The following STK32B variants were observed in gnomAD, a reference collection of about 807,000 sequenced individuals.
STK32B encodes serine/threonine kinase 32B, also known as serine/threonine-protein kinase 32B.
In STK32B, 43 loss-of-function variants were observed where a neutral mutation model predicts 52.6. The observed-to-expected ratio is 0.82, with a 90% CI of 0.64 to 1.05. The LOEUF (loss-of-function observed/expected upper bound fraction) is 1.05, where lower values mean the gene tolerates loss of function less well. Ranked by LOEUF, STK32B falls within the 50% of genes least tolerant of loss-of-function variation. The pLI is 0.00. For missense variants in STK32B, 621 were observed against 534.6 expected (o/e 1.16, Z -1.59); for synonymous variants, 238 against 204.3 (o/e 1.17, Z -1.41).
chr4:5,223,285 T>G lies in STK32B; in HGVS notation c.260+54835T>G, dbSNP rs1481957672. On this transcript the variant is annotated intron_variant, in intron 3 of 11. Coordinates refer to ENST00000282908, the MANE Select transcript of STK32B (RefSeq NM_018401.3). The stretch of plus-strand genomic sequence containing the variant: ...GAGTCCTGAGACTCAGGCAAAGATC[T>G]GCTGCAGGGGCAGAGCTGCTGCAGA... Among the ~76,000 whole-genome samples, 8 of 152,316 alleles carry G rather than the reference T, an allele frequency of 5.3e-5. No individual in the cohort carries two copies. In the East Asian group the frequency reaches 1.5e-3, roughly 29 times the overall value.
intron 1 of STK32B, among the ~76,000 whole-genome samples, chr4:5,072,505 A>G (rs1276244858): frequency 6.6e-6 from 1 of 152,062 alleles, no homozygotes; most frequent in Non-Finnish European, 1.5e-5. Flanking sequence ...CTTCACTCTC[A>G]TCTTTCAACC....
chr4:5,265,465 G>A (rs756958085), intron 3 of STK32B, among the ~76,000 whole-genome samples: 11 of 152,006 alleles, frequency 7.2e-5, no homozygotes, highest in Non-Finnish European at 1.3e-4. Flanking sequence ...GACCACTGCC[G>A]CCATCCATCC....
rs997574666 is a variant in STK32B at position 5,498,838 on chromosome 4, G to A, written c.1107-107G>A. On this transcript the variant is annotated intron_variant, in intron 11 of 11. Transcript: ENST00000282908. ...GATCAATCTTCCCAGGTAGGGGAAG[G>A]TTTGAGCTGAAGGCTCCACAGTTGC... The A allele has an allele frequency of 7.0e-6, 10 of 1,430,376 alleles. No homozygotes were observed. The African/African-American group carries it at 7.3e-5, about 10-fold the overall frequency. The allele number at this position is 1,430,376 out of a possible 1,614,324, so 88.6% of individuals were successfully genotyped here.
intron 1 of STK32B, among the ~76,000 whole-genome samples, chr4:5,100,300 G>A (rs1347957499): frequency 1.3e-5 from 2 of 151,972 alleles, no homozygotes; most frequent in African/African-American, 2.4e-5. Flanking sequence ...TGCTGTGGAA[G>A]GACAAGGTTA....
chr4:5,173,447 A>G (rs1396380333), intron 3 of STK32B, among the ~76,000 whole-genome samples: 1 of 152,186 alleles, frequency 6.6e-6, no homozygotes, highest in Admixed American at 6.6e-5. Flanking sequence ...ATTTAGTGCT[A>G]TAAATTTGCC....
intron 1 of STK32B, among the ~76,000 whole-genome samples, chr4:5,110,683 T>G (rs1714357694): frequency 6.6e-6 from 1 of 152,110 alleles, no homozygotes. Flanking sequence ...GGAAATGCTC[T>G]TCTGGACATC....
intron 1 of STK32B, among the ~76,000 whole-genome samples, chr4:5,098,083 A>C (rs1331697728): frequency 6.6e-6 from 1 of 152,226 alleles, no homozygotes; most frequent in Non-Finnish European, 1.5e-5. Context: ...GGTTCCAAGA[A>C]ACATCACTCG....
At chr4:5,143,103 CTGTCT>C (rs1215264941) in intron 2 of STK32B, among the ~76,000 whole-genome samples, 1 of 131,888 alleles carries the variant, frequency 7.6e-6, no homozygotes, top group Admixed American at 7.9e-5. Flanking sequence ...GTCTCTGTCT[CTGTCT>C]GTCTGTCTGT....
intron 4 of STK32B, among the ~76,000 whole-genome samples, chr4:5,393,547 G>A (rs915364992): frequency 1.3e-5 from 2 of 152,090 alleles, no homozygotes; most frequent in African/African-American, 4.8e-5. Context: ...AACTTACGAT[G>A]GTGGCAAAAG....
chr4:5,390,093 C>T (rs1007547609), intron 4 of STK32B, among the ~76,000 whole-genome samples: 1 of 152,234 alleles, frequency 6.6e-6, no homozygotes, highest in Non-Finnish European at 1.5e-5. Flanking sequence ...TTTGGACTTC[C>T]ACCCTCCAGA....
At chr4:5,178,456 G>A (rs1720096292) in intron 3 of STK32B, among the ~76,000 whole-genome samples, 1 of 152,166 alleles carries the variant, frequency 6.6e-6, no homozygotes, top group African/African-American at 2.4e-5. Context: ...GACATGTCCT[G>A]GAGACATTTT....
At chr4:5,498,336 T>A (rs952134957) in intron 11 of STK32B, among the ~76,000 whole-genome samples, 1 of 152,228 alleles carries the variant, frequency 6.6e-6, no homozygotes. Context: ...AATGCAATGT[T>A]CGGAATCATA....
At chr4:5,456,519 C>T (rs1243059593) in intron 7 of STK32B, among the ~76,000 whole-genome samples, 1 of 152,230 alleles carries the variant, frequency 6.6e-6, no homozygotes, top group African/African-American at 2.4e-5. Context: ...AAGCTGCTGA[C>T]AGTGAGTCCT....
chr4:5,417,272 T>C (rs1368934482), intron 6 of STK32B, among the ~76,000 whole-genome samples: 1 of 152,266 alleles, frequency 6.6e-6, no homozygotes, highest in African/African-American at 2.4e-5. Flanking sequence ...GTGGTCATTC[T>C]AGGTCTACAT....
chr4:5,276,732 A>G (rs1577281724), intron 3 of STK32B, among the ~76,000 whole-genome samples: 1 of 152,158 alleles, frequency 6.6e-6, no homozygotes, highest in East Asian at 1.9e-4. Context: ...TACAATAGTC[A>G]TATTACCGAG....
chr4:5,174,416 G>T (rs1337146795), intron 3 of STK32B, among the ~76,000 whole-genome samples: 2 of 152,088 alleles, frequency 1.3e-5, no homozygotes, highest in Admixed American at 6.6e-5. Flanking sequence ...TTACAATTTG[G>T]CATGTTTTTG....
intron 1 of STK32B, among the ~76,000 whole-genome samples, chr4:5,129,550 A>C (rs546584357): frequency 6.6e-6 from 1 of 152,182 alleles, no homozygotes; most frequent in African/African-American, 2.4e-5. Context: ...AGAACATTTG[A>C]CCTATTCTCA....
At chr4:5,224,940 A>T (rs913430007) in intron 3 of STK32B, among the ~76,000 whole-genome samples, 1 of 152,178 alleles carries the variant, frequency 6.6e-6, no homozygotes, top group Non-Finnish European at 1.5e-5. Context: ...AATTTTTATT[A>T]AAGTGGGATT....
At chr4:5,298,317 T>C (rs1003753993) in intron 3 of STK32B, among the ~76,000 whole-genome samples, 2 of 152,172 alleles carry the variant, frequency 1.3e-5, no homozygotes, top group African/African-American at 4.8e-5. Context: ...AGCACTGTGC[T>C]GGAAGATCTG....
Sources: gnomAD v4.1 joint callset for allele counts (sites outside exome capture counted in the v4.1 genomes callset) on GRCh38, gnomAD v4.1.1 for gene constraint, MANE v1.5 for transcripts, NCBI Gene and HGNC (gene_info 2026-07-23, HGNC 2026-07-21) for gene names.